The following NCOA5 variants were observed in gnomAD, a reference collection of about 807,000 sequenced individuals.
NCOA5 encodes nuclear receptor coactivator 5, also known as NCoA-5.
A neutral mutation model predicts 59.0 loss-of-function variants in NCOA5; 12 were observed. That is an observed-to-expected ratio of 0.20 (90% CI 0.13 to 0.33). The LOEUF is 0.33. NCOA5 is among the 10% of genes least tolerant of loss of function. The pLI is 1.00. For missense variants in NCOA5, 655 were observed against 766.6 expected (o/e 0.85, Z 1.72); for synonymous variants, 270 against 275.5 (o/e 0.98, Z 0.20).
intron 1 of NCOA5, among the ~76,000 whole-genome samples, chr20:46,080,921 T>G (rs1600631652): frequency 1.3e-5 from 2 of 152,120 alleles, no homozygotes; most frequent in Non-Finnish European, 2.9e-5. Context: ...TATAATGGTC[T>G]AAATTACAAA....
At chr20:46,083,248 G>C (rs987980213) in intron 1 of NCOA5, among the ~76,000 whole-genome samples, 1 of 152,156 alleles carries the variant, frequency 6.6e-6, no homozygotes, top group South Asian at 2.1e-4. Flanking sequence ...TTTTCCTGAC[G>C]TTCTGCGAAA....
At chr20:46,076,196 T>C (rs1004891125) in intron 2 of NCOA5, among the ~76,000 whole-genome samples, 5 of 151,102 alleles carry the variant, frequency 3.3e-5, no homozygotes, top group African/African-American at 9.7e-5. Context: ...GTGTTTTTTT[T>C]CCCCTGTGAA....
chr20:46,062,555 C>T lies in NCOA5; in HGVS notation c.1485G>A (p.Gln495=). The change falls in exon 8 of 8, where the codon CAG becomes CAA. Residue 495 remains glutamine (Q), a synonymous_variant. Transcript: ENST00000290231. ...PSILGQGGSA[Q]NMGPRPGAPS... ...GAGCCCCAGGTCTGGGGCCCATGTT[C>T]TGAGCAGATCCTCCCTGTCCCAAAA... 1 of 1,614,238 alleles carries T rather than the reference C, an allele frequency of 6.2e-7. No individual in the cohort carries two copies. The highest frequency in any genetic ancestry group is 8.5e-7 in the Non-Finnish European group (1 of 1,180,048).
At chr20:46,079,266 T>C in intron 2 of NCOA5, 121 bp downstream of exon 2, 1 of 908,810 alleles carries the variant, frequency 1.1e-6, no homozygotes, top group Non-Finnish European at 1.8e-6. Context: ...TTCATGTTCT[T>C]ATTGTTTGCT....
chr20:46,082,550 G>A (rs777833146), intron 1 of NCOA5, among the ~76,000 whole-genome samples: 1 of 152,084 alleles, frequency 6.6e-6, no homozygotes, highest in Non-Finnish European at 1.5e-5. Context: ...CTTTATTCTG[G>A]CCAACTGCCC....
rs1183330161 is a variant in NCOA5 at position 46,082,968 on chromosome 20, T to C, written c.-29-3515A>G. Among the ~76,000 whole-genome samples the C allele has an allele frequency of 2.6e-5, 4 of 152,184 alleles. No individual in the cohort carries two copies. In the East Asian group the frequency reaches 5.8e-4, roughly 22 times the overall value. ...CCTTGGATAATGCTATAAATAAAAA[T>C]GCATGTTTCTTTCACTCACAGTACC... On this transcript the variant is annotated intron_variant, in intron 1 of 7. Coordinates refer to ENST00000290231, the MANE Select transcript of NCOA5 (RefSeq NM_020967.3).
At position 46,067,160 on chromosome 20, in the gene NCOA5, C is replaced by A; in HGVS notation, c.524G>T (p.Arg175Leu). ...TTGACGATAAAGCTCTTCTCTACGC[C>A]GTTCCTCACGTTTCAAACGCTCTGC... ...RAKERLKREE[R>L]RREELYRQYF... The change falls in exon 5 of 8, where the codon CGG becomes CTG. Residue 175 changes from arginine to leucine, a missense_variant. This residue lies in a region of NCOA5 where 250 missense variants were observed against 260.1 expected (regional missense o/e 0.96). Transcript: ENST00000290231. The A allele has an allele frequency of 1.2e-6, 2 of 1,613,552 alleles. No homozygotes were observed. The highest frequency in any genetic ancestry group is 1.1e-5 in the South Asian group (1 of 90,950).
rs553301986 is a variant in NCOA5 at position 46,082,178 on chromosome 20, G to A, written c.-29-2725C>T. On this transcript the variant is annotated intron_variant, in intron 1 of 7. Coordinates refer to ENST00000290231, the MANE Select transcript of NCOA5 (RefSeq NM_020967.3). Reference sequence around the variant, plus strand: ...AACCAGAAAATAATCCAGAAAACATGTAGGAAATGACAGAACTGTTTTAAA... The same window carrying A: ...AACCAGAAAATAATCCAGAAAACATATAGGAAATGACAGAACTGTTTTAAA... 3.7e-3 allele frequency among the ~76,000 whole-genome samples: 566 copies of A among 152,216 alleles called. 1 individual carries two copies. Among genetic ancestry groups the A allele is most frequent in the Non-Finnish European group, 5.3e-3 (363 of 67,994 alleles).
chr20:46,079,173 T>G (rs2084967743), intron 2 of NCOA5, among the ~76,000 whole-genome samples: 1 of 152,206 alleles, frequency 6.6e-6, no homozygotes, highest in South Asian at 2.1e-4. Context: ...CTGAACTTGC[T>G]GGATTTGCCA....
chr20:46,068,140 C>T (rs2084843680), intron 4 of NCOA5, among the ~76,000 whole-genome samples: 1 of 152,068 alleles, frequency 6.6e-6, no homozygotes, highest in Non-Finnish European at 1.5e-5. Flanking sequence ...TATCATGTTG[C>T]TTAAGCTGGT....
chr20:46,083,382 CCTT>C (rs1024783416), intron 1 of NCOA5, among the ~76,000 whole-genome samples: 32 of 152,292 alleles, frequency 2.1e-4, no homozygotes, highest in African/African-American at 7.7e-4. Flanking sequence ...GCTTTTTGCT[CCTT>C]GTCTCTGCTT....
chr20:46,087,980 TATATAC>T (rs1243897455), intron 1 of NCOA5, among the ~76,000 whole-genome samples: 2 of 150,974 alleles, frequency 1.3e-5, no homozygotes, highest in Admixed American at 6.7e-5. Context: ...CACACACATA[TATATAC>T]ATATACATAT....
In NCOA5 at chr20:46,070,375, C is replaced by T; in HGVS notation, c.200G>A (p.Arg67Lys). ...GCTGTCTCTGTGATCCCGCAAATCT[C>T]TACTATGTCTGTGGTCCCGCAAGTC... ...PRDLRDHRHSRDLRDHRDSRS... is the reference protein window; with the variant it reads ...PRDLRDHRHSKDLRDHRDSRS... Residue 67 changes from arginine (R) to lysine (K), a missense_variant, in exon 3 of 8, where the codon AGA becomes AAA. Arg to Lys is a conservative substitution (Grantham distance 26, BLOSUM62 2). This residue lies in a region of NCOA5 where 250 missense variants were observed against 260.1 expected (regional missense o/e 0.96). Coordinates refer to ENST00000290231, the MANE Select transcript of NCOA5 (RefSeq NM_020967.3). 6.2e-7 allele frequency: 1 copy of T among 1,613,914 alleles called. No individual in the cohort carries two copies.
rs2084847883 is a variant in NCOA5 at position 46,068,528 on chromosome 20, C to T, written c.476G>A (p.Gly159Asp). 6 of 1,612,722 alleles carry T rather than the reference C, an allele frequency of 3.7e-6. No individual in the cohort carries two copies. Among genetic ancestry groups the T allele is most frequent in the South Asian group, 1.1e-5 (1 of 90,748 alleles). Residue 159 changes from glycine (G) to aspartate (D), a missense_variant, in exon 4 of 8, where the codon GGC becomes GAC. Transcript: ENST00000290231. ...RDSFDGRGPP[G>D]PESQSRAKER... ...TTTTGCACGAGACTGACTTTCTGGGCCTGGAGGGCCCCGTCCATCAAAGCT... is the reference window on the plus strand; with the variant it reads ...TTTTGCACGAGACTGACTTTCTGGGTCTGGAGGGCCCCGTCCATCAAAGCT...
intron 1 of NCOA5, among the ~76,000 whole-genome samples, chr20:46,083,959 A>G (rs1195409037): frequency 6.6e-6 from 1 of 152,236 alleles, no homozygotes; most frequent in Non-Finnish European, 1.5e-5. Context: ...CACTTTGAAT[A>G]CTATACTTTC....
At chr20:46,072,548 G>C (rs2084893223) in intron 2 of NCOA5, among the ~76,000 whole-genome samples, 1 of 152,092 alleles carries the variant, frequency 6.6e-6, no homozygotes. Flanking sequence ...TGCCATGAAG[G>C]TCCTGTATAA....
rs755272201 is a variant in NCOA5, at chr20:46,079,417, G to A, written c.8C>T (p.Thr3Met). 5.6e-6 allele frequency: 9 copies of A among 1,613,654 alleles called. No homozygotes were observed. The highest frequency in any genetic ancestry group is 6.8e-6 in the Non-Finnish European group (8 of 1,179,818). The change falls in exon 2 of 8, where the codon ACG becomes ATG. Residue 3 changes from threonine (T) to methionine (M), a missense_variant. By Grantham distance (81) the Thr-to-Met change is moderately conservative. Coordinates refer to ENST00000290231, the MANE Select transcript of NCOA5 (RefSeq NM_020967.3). Reference sequence around the variant, plus strand: ...TGTGGGGCTGGGTCTTGATGGAGCCGTATTCATATTTCTTCTTTCCGCTGC... The same window carrying A: ...TGTGGGGCTGGGTCTTGATGGAGCCATATTCATATTTCTTCTTTCCGCTGC... MN[T>M]APSRPSPTRR...
At position 46,063,437 on chromosome 20, in the gene NCOA5, T is replaced by C; in HGVS notation, c.1073A>G (p.Glu358Gly). The change falls in exon 7 of 8, where the codon GAA becomes GGA. Residue 358 changes from glutamate to glycine, a missense_variant. By Grantham distance (98) the Glu-to-Gly change is moderately conservative. This residue lies in a region of NCOA5 where 325 missense variants were observed against 353.2 expected (regional missense o/e 0.92). Transcript: ENST00000290231. ...LLADNRYLTA[E>G]ETDKIINYLR... Reference sequence around the variant, plus strand: ...GTAGTTGATGATCTTGTCAGTCTCTTCAGCAGTGAGGTACCTGTTGTCTGC... The same window carrying C: ...GTAGTTGATGATCTTGTCAGTCTCTCCAGCAGTGAGGTACCTGTTGTCTGC... 1.2e-6 allele frequency: 2 copies of C among 1,614,200 alleles called. No individual in the cohort carries two copies. Among genetic ancestry groups the C allele is most frequent in the Non-Finnish European group, 1.7e-6 (2 of 1,180,036 alleles).
At chr20:46,088,105 C>A (rs1223481569) in intron 1 of NCOA5, among the ~76,000 whole-genome samples, 1 of 152,152 alleles carries the variant, frequency 6.6e-6, no homozygotes, top group Non-Finnish European at 1.5e-5. Flanking sequence ...TCTGCTCTTA[C>A]ATTCACATAA....
Sources: allele counts gnomAD v4.1 joint callset (sites outside exome capture counted in the v4.1 genomes callset), GRCh38; gene constraint gnomAD v4.1.1; regional missense constraint gnomAD v4.1.1; transcripts MANE v1.5; gene names NCBI Gene and HGNC (gene_info 2026-07-23, HGNC 2026-07-21).